Variants in TET1 observed in about 807,000 individuals in gnomAD.
TET1 encodes the protein tet methylcytosine dioxygenase 1.
In TET1, 13 loss-of-function variants were observed where a neutral mutation model predicts 148.7. The observed-to-expected ratio is 0.09, with a 90% CI of 0.06 to 0.14. TET1 has a LOEUF of 0.14. TET1 is among the 10% of genes least tolerant of loss of function. The pLI, the probability that TET1 is intolerant of heterozygous loss-of-function variation, is 1.00. For missense variants in TET1, 2,182 were observed against 2,553.8 expected (o/e 0.85, Z 3.14); for synonymous variants, 907 against 937.2 (o/e 0.97, Z 0.59).
At chr10:68,672,743 C>T in intron 7 of TET1, 152 bp from the exon 8 acceptor site, 1 of 528,948 alleles carries the variant, frequency 1.9e-6, no homozygotes, top group Non-Finnish European at 3.0e-6. Context: ...TTATTGTTAA[C>T]ATTAAACTAT....
chr10:68,694,126 T>C lies in TET1; in HGVS notation c.*2312T>C. On this transcript the variant is annotated 3_prime_UTR_variant, in exon 12 of 12. Coordinates refer to ENST00000373644, the MANE Select transcript of TET1 (RefSeq NM_030625.3). ...TTCTTAACAATCTAAACTTGAAACA[T>C]CAATGTTAATTTTTGGAACTATTGG... is the stretch of plus-strand genomic sequence containing the variant. 4.3e-6 allele frequency: 1 copy of C among 232,594 alleles called. No homozygotes were observed. Among genetic ancestry groups the C allele is most frequent in the East Asian group, 6.1e-5 (1 of 16,394 alleles). 14.4% of individuals were successfully genotyped at this position (232,594 alleles called of 1,614,324 possible). A position where few individuals can be genotyped will look rare whatever the true frequency, so the allele number is the denominator to read the frequency against.
intron 7 of TET1, among the ~76,000 whole-genome samples, chr10:68,669,354 A>G (rs1019265243): frequency 6.6e-6 from 1 of 151,602 alleles, no homozygotes; most frequent in African/African-American, 2.4e-5. Flanking sequence ...TCTGTCGCCC[A>G]GGTTGAGTTG....
chr10:68,593,186 T>G (rs2053937765), intron 2 of TET1, among the ~76,000 whole-genome samples: 1 of 136,766 alleles, frequency 7.3e-6, no homozygotes, highest in South Asian at 2.2e-4. Flanking sequence ...GAGCTGAGAT[T>G]GCGCCACTGC....
At chr10:68,597,986 T>C (rs1360871351) in intron 2 of TET1, among the ~76,000 whole-genome samples, 1 of 152,182 alleles carries the variant, frequency 6.6e-6, no homozygotes, top group African/African-American at 2.4e-5. Context: ...TATTGTTTAA[T>C]GGGTATGGAG....
intron 3 of TET1, among the ~76,000 whole-genome samples, chr10:68,642,483 G>A (rs969357386): frequency 6.6e-6 from 1 of 151,926 alleles, no homozygotes; most frequent in African/African-American, 2.4e-5. Context: ...GGAGGAAATA[G>A]GGAGTGATTG....
At chr10:68,657,072 G>A (rs1339026969) in intron 6 of TET1, among the ~76,000 whole-genome samples, 3 of 148,256 alleles carry the variant, frequency 2.0e-5, no homozygotes, top group Non-Finnish European at 3.0e-5. Flanking sequence ...GCTCATTTCT[G>A]TATATCTGTA....
At chr10:68,651,484 A>G (rs1251558010) in intron 4 of TET1, among the ~76,000 whole-genome samples, 2 of 151,980 alleles carry the variant, frequency 1.3e-5, no homozygotes, top group Admixed American at 1.3e-4. Flanking sequence ...TTTTAATAGG[A>G]TTCTAAGGGC....
At chr10:68,656,117 C>T (rs1378950233) in intron 6 of TET1, among the ~76,000 whole-genome samples, 1 of 152,130 alleles carries the variant, frequency 6.6e-6, no homozygotes, top group Non-Finnish European at 1.5e-5. Context: ...AAAACAAGCT[C>T]AGGGCTCCCA....
intron 3 of TET1, among the ~76,000 whole-genome samples, chr10:68,620,520 A>C (rs1324336859): frequency 3.3e-5 from 5 of 152,142 alleles, no homozygotes; most frequent in Non-Finnish European, 7.4e-5. Flanking sequence ...CAATGTATGT[A>C]TTATGTATAT....
intron 4 of TET1, among the ~76,000 whole-genome samples, chr10:68,647,731 A>G (rs1284421807): frequency 6.6e-6 from 1 of 152,208 alleles, no homozygotes; most frequent in African/African-American, 2.4e-5. Context: ...GAAGATACAT[A>G]TAGAGAATGT....
chr10:68,579,571 T>C (rs567748406), intron 2 of TET1, among the ~76,000 whole-genome samples: 1 of 152,350 alleles, frequency 6.6e-6, no homozygotes, highest in East Asian at 1.9e-4. Flanking sequence ...AAGCTCCCCT[T>C]AGGGGAGTTC....
At position 68,691,305 on chromosome 10, in the gene TET1, G is replaced by A. The variant is rs751150319; in HGVS notation, c.5902G>A (p.Glu1968Lys). 7 of 1,614,076 alleles carry A rather than the reference G, an allele frequency of 4.3e-6. No individual in the cohort carries two copies. In the Admixed American group the frequency reaches 1.2e-4, roughly 27 times the overall value. The change falls in exon 12 of 12, where the codon GAG becomes AAG. Residue 1968 changes from glutamate (E) to lysine (K), a missense_variant. By Grantham distance (56) the Glu-to-Lys change is moderately conservative (BLOSUM62 1). Transcript: ENST00000373644. This position sits in a 1 kb window ranked among gnomAD's most constrained non-coding sequence, Gnocchi z 4.4. ...AGATGAGCAGCATTCTGAAGCAGAT[G>A]AGCCTCCATCAGACGAACCCCTATC... is the stretch of plus-strand genomic sequence containing the variant. ...EEDEQHSEAD[E>K]PPSDEPLSDD...
rs1227529542 is a variant in TET1, at chr10:68,573,891, C to G, written c.1553C>G (p.Ala518Gly). Residue 518 changes from alanine (A) to glycine (G), a missense_variant, in exon 2 of 12, where the codon GCC becomes GGC. Ala to Gly is a moderately conservative substitution (Grantham distance 60, BLOSUM62 0). This residue lies in a region of TET1 where 665 missense variants were observed against 672.4 expected (regional missense o/e 0.99). Transcript: ENST00000373644. ...GCTAACACTCAGGGGTTCCCATTAG[C>G]CCCTGAGAGAGGACTCTTCCATGCT... ...LPANTQGFPL[A>G]PERGLFHASL... is the part of the protein sequence containing the mutation. 1 of 1,614,118 alleles carries G rather than the reference C, an allele frequency of 6.2e-7. No individual in the cohort carries two copies. The highest frequency in any genetic ancestry group is 1.7e-5 in the Admixed American group (1 of 60,004).
At chr10:68,615,265 C>T (rs1436254379) in intron 3 of TET1, among the ~76,000 whole-genome samples, 1 of 152,042 alleles carries the variant, frequency 6.6e-6, no homozygotes, top group African/African-American at 2.4e-5. Context: ...ATACCCTACC[C>T]TGAGGTTTCT....
At chr10:68,684,499 T>C (rs979032674) in intron 10 of TET1, among the ~76,000 whole-genome samples, 2 of 152,094 alleles carry the variant, frequency 1.3e-5, no homozygotes, top group Non-Finnish European at 2.9e-5. Context: ...AGCCAGGCAG[T>C]GGTTCATCAC....
At chr10:68,679,418 T>A (rs142866717) in intron 8 of TET1, among the ~76,000 whole-genome samples, 1 of 152,162 alleles carries the variant, frequency 6.6e-6, no homozygotes, top group South Asian at 2.1e-4. Context: ...TGATGCTGCA[T>A]ACAAAAAGTA....
In TET1 at chr10:68,574,185, A is replaced by C. The variant is rs1306490843; in HGVS notation, c.1847A>C (p.His616Pro). 6.2e-7 allele frequency: 1 copy of C among 1,613,748 alleles called. No individual in the cohort carries two copies. The stretch of plus-strand genomic sequence containing the variant: ...TACTGCAAGAACAGAAAGAACAGCC[A>C]TCAGATCTGTAAGAAAAGAAAATGT... ...CTYCKNRKNS[H>P]QICKKRKCEE... Residue 616 changes from histidine to proline, a missense_variant, in exon 2 of 12, where the codon CAT (histidine) becomes CCT (proline). By Grantham distance (77) the His-to-Pro change is moderately conservative (BLOSUM62 -2). Transcript: ENST00000373644.
chr10:68,583,739 C>T (rs1450945913), intron 2 of TET1, among the ~76,000 whole-genome samples: 8 of 152,008 alleles, frequency 5.3e-5, no homozygotes. Flanking sequence ...GGTGAAACCC[C>T]ATCTCTACTA....
At chr10:68,685,476 G>A (rs2055496303) in intron 10 of TET1, among the ~76,000 whole-genome samples, 1 of 151,802 alleles carries the variant, frequency 6.6e-6, no homozygotes, top group African/African-American at 2.4e-5. Flanking sequence ...TAATTTGGCT[G>A]GGCCCAGTGG....
Sources: allele counts gnomAD v4.1 joint callset (sites outside exome capture counted in the v4.1 genomes callset), GRCh38; gene constraint gnomAD v4.1.1; regional missense constraint gnomAD v4.1.1; non-coding constraint Gnocchi (gnomAD v3.1); transcripts MANE v1.5; gene names NCBI Gene and HGNC (gene_info 2026-07-23, HGNC 2026-07-21).